Variants in FSHR observed in about 807,000 individuals in gnomAD.
The protein encoded by FSHR is follicle-stimulating hormone receptor.
In FSHR, 46 loss-of-function variants were observed where a neutral mutation model predicts 52.1. The ratio of observed to expected loss-of-function variants is 0.88; its 90% CI spans 0.70 to 1.13. The LOEUF (loss-of-function observed/expected upper bound fraction) is 1.13, where lower values mean the gene tolerates loss of function less well. FSHR is among the 50% of genes most tolerant of loss of function. The pLI, the probability that FSHR is intolerant of heterozygous loss-of-function variation, is 0.00. For synonymous variants in FSHR, 399 were observed against 309.6 expected, an observed-to-expected ratio of 1.29 and a Z score of -3.03; for missense variants, 964 against 834.6, an observed-to-expected ratio of 1.16 and a Z score of -1.91.
chr2:49,075,438 A>G (rs1023267878), intron 1 of FSHR, among the ~76,000 whole-genome samples: 1 of 147,986 alleles, frequency 6.8e-6, no homozygotes, highest in African/African-American at 2.5e-5. Context: ...AAAAATAACA[A>G]TAAACAAGAT....
At chr2:49,145,024 C>A (rs932517974) in intron 1 of FSHR, among the ~76,000 whole-genome samples, 1 of 152,048 alleles carries the variant, frequency 6.6e-6, no homozygotes, top group Non-Finnish European at 1.5e-5. Flanking sequence ...TAGCTCTGGT[C>A]TTTTACTAGA....
chr2:48,985,697 GTTT>G lies in FSHR; in HGVS notation c.525-2534_525-2532del, dbSNP rs70946839. On this transcript the variant is annotated intron_variant, in intron 6 of 9. Transcript: ENST00000406846. ...TTCAGTTTCAGGGGAGCAAGTACAGGTTTTTTTTTTTTTTTTTTTTTTTTTTTG... is the reference window on the plus strand; with the variant it reads ...TTCAGTTTCAGGGGAGCAAGTACAGGTTTTTTTTTTTTTTTTTTTTTTTTG... Among the ~76,000 whole-genome samples, 460 of 99,552 alleles carry G rather than the reference GTTT, an allele frequency of 4.6e-3. 74 individuals carry two copies. The highest frequency in any genetic ancestry group is 0.018 in the East Asian group (59 of 3,294). The allele number at this position is 99,552 out of a possible 152,430, so 65.3% of individuals were successfully genotyped here.
chr2:49,065,580 A>G (rs752972434), intron 2 of FSHR, among the ~76,000 whole-genome samples: 4 of 152,100 alleles, frequency 2.6e-5, no homozygotes, highest in African/African-American at 7.2e-5. Flanking sequence ...GCTAGTTCTG[A>G]ATATGTTGAA....
At chr2:49,137,522 C>G (rs1326394450) in intron 1 of FSHR, among the ~76,000 whole-genome samples, 2 of 151,982 alleles carry the variant, frequency 1.3e-5, no homozygotes, top group Non-Finnish European at 1.5e-5. Context: ...GCAAGAGACT[C>G]TAAATAGCTA....
In FSHR at chr2:48,968,721, G is replaced by T. The variant is rs748861028; in HGVS notation, c.831C>A (p.Ala277=). The part of the protein sequence containing the change: ...ASLTYPSHCC[A]FANWRRQISE... ...ACATTTGCCGTCTCCAGTTTGCAAA[G>T]GCACAGCAATGGCTGGGATAGGTGA... is the stretch of plus-strand genomic sequence containing the variant. The change falls in exon 9 of 10, where the codon GCC becomes GCA. Residue 277 remains alanine (A), a synonymous_variant. Coordinates refer to ENST00000406846, the MANE Select transcript of FSHR (RefSeq NM_000145.4). The T allele has an allele frequency of 6.2e-7, 1 of 1,614,136 alleles. No individual in the cohort carries two copies. Among genetic ancestry groups the T allele is most frequent in the Non-Finnish European group, 8.5e-7 (1 of 1,180,006 alleles).
chr2:49,084,900 G>A (rs1164368768), intron 1 of FSHR, among the ~76,000 whole-genome samples: 1 of 152,042 alleles, frequency 6.6e-6, no homozygotes, highest in African/African-American at 2.4e-5. Context: ...ATTCACAGCT[G>A]AATTCTACCA....
At chr2:49,150,813 CT>C (rs1302823577) in intron 1 of FSHR, among the ~76,000 whole-genome samples, 9 of 151,950 alleles carry the variant, frequency 5.9e-5, no homozygotes, top group African/African-American at 2.2e-4. Context: ...ACTCTCTCAG[CT>C]ATAGTCTAAA....
chr2:49,027,816 C>T (rs1002961942), intron 2 of FSHR, among the ~76,000 whole-genome samples: 5 of 143,010 alleles, frequency 3.5e-5, no homozygotes, highest in African/African-American at 1.3e-4. Flanking sequence ...TGCGGCTGCA[C>T]TCCAGCCTGG....
chr2:49,046,484 A>G (rs1337845361), intron 2 of FSHR, among the ~76,000 whole-genome samples: 1 of 152,208 alleles, frequency 6.6e-6, no homozygotes, highest in Non-Finnish European at 1.5e-5. Context: ...CGTTCTCACT[A>G]TAAAATTAGA....
At chr2:49,110,324 G>A (rs775683378) in intron 1 of FSHR, among the ~76,000 whole-genome samples, 3 of 152,158 alleles carry the variant, frequency 2.0e-5, no homozygotes, top group Non-Finnish European at 4.4e-5. Flanking sequence ...GTGGTCTCAA[G>A]ATTTAAACAT....
At chr2:49,041,743 A>G (rs1173844091) in intron 2 of FSHR, among the ~76,000 whole-genome samples, 1 of 151,816 alleles carries the variant, frequency 6.6e-6, no homozygotes, top group East Asian at 1.9e-4. Context: ...AAGAAGACAG[A>G]CTCTCTCAGC....
intron 1 of FSHR, among the ~76,000 whole-genome samples, chr2:49,086,840 G>T (rs1670412187): frequency 6.6e-6 from 1 of 151,980 alleles, no homozygotes; most frequent in South Asian, 2.1e-4. Context: ...GCCATGGTTG[G>T]CCAGGCTGGT....
intron 1 of FSHR, among the ~76,000 whole-genome samples, chr2:49,105,860 A>G (rs903569036): frequency 4.6e-4 from 70 of 151,976 alleles, no homozygotes; most frequent in African/African-American, 1.6e-3. Flanking sequence ...TGGAAGTTGA[A>G]GAACACTGAC....
At chr2:49,023,726 C>T (rs1045400572) in intron 2 of FSHR, among the ~76,000 whole-genome samples, 8 of 151,944 alleles carry the variant, frequency 5.3e-5, no homozygotes, top group Non-Finnish European at 1.0e-4. Context: ...GGAGAGAGGA[C>T]GGGTGACTAT....
intron 2 of FSHR, among the ~76,000 whole-genome samples, chr2:49,062,486 C>A (rs1669346640): frequency 6.6e-6 from 1 of 152,078 alleles, no homozygotes; most frequent in Non-Finnish European, 1.5e-5. Flanking sequence ...TTGGGAAATT[C>A]TTCAGAAAAT....
intron 1 of FSHR, among the ~76,000 whole-genome samples, chr2:49,147,948 C>T (rs1357230919): frequency 6.6e-6 from 1 of 151,940 alleles, no homozygotes; most frequent in Non-Finnish European, 1.5e-5. Flanking sequence ...CATGGGCACT[C>T]AGGGCAATTT....
At chr2:49,013,501 A>AAAT (rs1422208790) in intron 4 of FSHR, among the ~76,000 whole-genome samples, 5 of 65,988 alleles carry the variant, frequency 7.6e-5, no homozygotes, top group East Asian at 5.5e-4. Context: ...TATATATATA[A>AAAT]ATATATATAT....
chr2:48,976,308 A>G (rs534184821), intron 8 of FSHR, among the ~76,000 whole-genome samples: 5 of 152,272 alleles, frequency 3.3e-5, no homozygotes, highest in Non-Finnish European at 5.9e-5. Context: ...GTGTATTTTG[A>G]ACCAGCCTTG....
chr2:48,976,595 G>C (rs986432313), intron 8 of FSHR, among the ~76,000 whole-genome samples: 1 of 152,150 alleles, frequency 6.6e-6, no homozygotes. Context: ...GAATTTGGCT[G>C]TGAATCTGTC....
Sources: gnomAD v4.1 joint callset for allele counts (sites outside exome capture counted in the v4.1 genomes callset) on GRCh38, gnomAD v4.1.1 for gene constraint, MANE v1.5 for transcripts, NCBI Gene and HGNC (gene_info 2026-07-23, HGNC 2026-07-21) for gene names.